Variants in PTPRD observed in about 807,000 individuals in gnomAD.
The protein encoded by PTPRD is protein tyrosine phosphatase receptor type D, also known as receptor-type tyrosine-protein phosphatase delta.
In PTPRD, 34 loss-of-function variants were observed where a neutral mutation model predicts 214.5. The ratio of observed to expected loss-of-function variants is 0.16; its 90% confidence interval spans 0.12 to 0.21. The LOEUF (loss-of-function observed/expected upper bound fraction) is 0.21. Among genes scored for constraint, PTPRD ranks in the 10% least tolerant of loss-of-function variants. The probability of loss-of-function intolerance (pLI) is 1.00; values close to 1 mark genes in which losing one functional copy is unlikely to be tolerated. For missense variants in PTPRD, 2,545 were observed against 2,398.7 expected (o/e 1.06, Z -1.27); for synonymous variants, 1,128 against 845.7 (o/e 1.33, Z -5.79).
chr9:8,501,403 C>T (rs894946240), intron 23 of PTPRD, among the ~76,000 whole-genome samples: 1 of 152,140 alleles, frequency 6.6e-6, no homozygotes, highest in Non-Finnish European at 1.5e-5. Context: ...CCCCACTATA[C>T]TGACTACCCA....
At chr9:9,374,148 G>C (rs1055202328) in intron 9 of PTPRD, among the ~76,000 whole-genome samples, 1 of 151,868 alleles carries the variant, frequency 6.6e-6, no homozygotes, top group Non-Finnish European at 1.5e-5. Flanking sequence ...GAAATATTAA[G>C]TGACGAAAAA....
intron 10 of PTPRD, among the ~76,000 whole-genome samples, chr9:9,158,573 C>G (rs2099883409): frequency 6.6e-6 from 1 of 152,030 alleles, no homozygotes; most frequent in African/African-American, 2.4e-5. Flanking sequence ...GCACTCCAGC[C>G]TGGGTGACAG....
intron 14 of PTPRD, among the ~76,000 whole-genome samples, chr9:8,590,504 T>C (rs1050542443): frequency 6.6e-6 from 1 of 152,136 alleles, no homozygotes; most frequent in Non-Finnish European, 1.5e-5. Flanking sequence ...TTATCAAGTT[T>C]CCTGTCCTTC....
chr9:9,234,945 C>T (rs751698531), intron 9 of PTPRD, among the ~76,000 whole-genome samples: 68 of 152,120 alleles, frequency 4.5e-4, no homozygotes, highest in Non-Finnish European at 7.2e-4. Flanking sequence ...CACATTTTTG[C>T]GTATCTTTAC....
At position 10,458,791 on chromosome 9, in the gene PTPRD, G is replaced by C. The variant is rs564509865; in HGVS notation, c.-599-117774C>G. 3.8e-3 allele frequency among the ~76,000 whole-genome samples: 516 copies of C among 136,456 alleles called. 4 individuals carry two copies. The highest frequency in any genetic ancestry group is 0.014 in the African/African-American group (499 of 36,366). The allele number at this position is 136,456 out of a possible 152,430, so 89.5% of individuals were successfully genotyped here. A position where few individuals can be genotyped will look rare whatever the true frequency, so the allele number is the denominator to read the frequency against. ...TACCCTTTATGTAGAAAACGTCAAA[G>C]ACACCACCAAAAACTGTTAGGTCTA... On this transcript the variant is annotated intron_variant, in intron 2 of 45. Coordinates refer to ENST00000381196, the MANE Select transcript of PTPRD (RefSeq NM_002839.4).
chr9:9,989,699 T>A (rs891849300), intron 4 of PTPRD, among the ~76,000 whole-genome samples: 1 of 152,184 alleles, frequency 6.6e-6, no homozygotes, highest in African/African-American at 2.4e-5. Flanking sequence ...TCCACTGAAC[T>A]GTTTAACATT....
chr9:10,335,363 C>A (rs1240713779), intron 3 of PTPRD, among the ~76,000 whole-genome samples: 5 of 151,684 alleles, frequency 3.3e-5, no homozygotes, highest in African/African-American at 1.2e-4. Flanking sequence ...CAAATGGTGC[C>A]TGGTACAAAT....
chr9:9,606,789 C>T (rs2094183565), intron 7 of PTPRD, among the ~76,000 whole-genome samples: 1 of 150,420 alleles, frequency 6.6e-6, no homozygotes, highest in Admixed American at 6.6e-5. Context: ...TGGACAAATA[C>T]ATTTCTTAGC....
At chr9:8,446,752 A>G (rs4742504) in intron 34 of PTPRD, among the ~76,000 whole-genome samples, 80,702 of 152,066 alleles carry the variant, frequency 0.53, 22,992 homozygotes, top group East Asian at 0.87. Flanking sequence ...TAAAAACCTA[A>G]AAATTAGCGT....
At chr9:10,400,146 T>C (rs1323639176) in intron 2 of PTPRD, among the ~76,000 whole-genome samples, 1 of 151,798 alleles carries the variant, frequency 6.6e-6, no homozygotes, top group Non-Finnish European at 1.5e-5. Flanking sequence ...CTCCTTCACT[T>C]ATGTAGTAGT....
intron 10 of PTPRD, among the ~76,000 whole-genome samples, chr9:9,031,415 G>A (rs10115402): frequency 0.051 from 7,733 of 152,052 alleles, 263 homozygotes; most frequent in East Asian, 0.13. Context: ...CGGCTATGCG[G>A]TATAGCCTAT....
chr9:9,901,185 T>C (rs75139765), intron 5 of PTPRD, among the ~76,000 whole-genome samples: 8,907 of 152,232 alleles, frequency 0.059, 367 homozygotes, highest in African/African-American at 0.11. Context: ...ATCCCAATTA[T>C]ATGTCTCGGA....
At chr9:8,748,727 C>T (rs2093172772) in intron 11 of PTPRD, among the ~76,000 whole-genome samples, 1 of 152,008 alleles carries the variant, frequency 6.6e-6, no homozygotes, top group Admixed American at 6.6e-5. Context: ...GCCTGACCAA[C>T]ATGGAGAAAT....
intron 3 of PTPRD, among the ~76,000 whole-genome samples, chr9:10,085,348 A>T (rs771961374): frequency 2.0e-5 from 3 of 151,866 alleles, no homozygotes; most frequent in Non-Finnish European, 4.4e-5. Flanking sequence ...CCTGGCCAAA[A>T]TAATTTTGAA....
chr9:10,323,407 A>G (rs2096590308), intron 3 of PTPRD, among the ~76,000 whole-genome samples: 1 of 149,094 alleles, frequency 6.7e-6, no homozygotes, highest in Admixed American at 6.7e-5. Flanking sequence ...CAATTCTCCC[A>G]TCTCAGCCAT....
At chr9:9,566,103 C>A (rs1357835817) in intron 8 of PTPRD, among the ~76,000 whole-genome samples, 1 of 151,892 alleles carries the variant, frequency 6.6e-6, no homozygotes, top group African/African-American at 2.4e-5. Context: ...TCTTCTCCAG[C>A]AATTTCATCT....
At chr9:9,258,869 T>G (rs73641282) in intron 9 of PTPRD, among the ~76,000 whole-genome samples, 257 of 152,046 alleles carry the variant, frequency 1.7e-3, no homozygotes, top group African/African-American at 5.9e-3. Context: ...ATCAATTTCT[T>G]TGGAAAAGGG....
Position 8,528,638 on chromosome 9 carries a change from G to A in PTPRD, c.494C>T (p.Pro165Leu), listed in dbSNP as rs1233052240. The A allele has an allele frequency of 1.2e-6, 2 of 1,613,676 alleles. No homozygotes were observed. Among genetic ancestry groups the A allele is most frequent in the Admixed American group, 1.7e-5 (1 of 59,970 alleles). Residue 165 changes from proline to leucine, a missense_variant, in exon 15 of 46, where the codon CCT (proline) becomes CTT (leucine). Transcript: ENST00000381196. ...PEITWFKDFL[P>L]VDTSNNNGRI... ...ACCATTGTTGTTGCTTGTGTCCACA[G>A]GTAAGAAATCTTTAAACCAAGTGAT...
chr9:8,617,260 G>A (rs2095643248), intron 14 of PTPRD, among the ~76,000 whole-genome samples: 1 of 152,068 alleles, frequency 6.6e-6, no homozygotes, highest in Non-Finnish European at 1.5e-5. Flanking sequence ...GGGAAAGAAG[G>A]CTGGGAGAAT....
Sources: gnomAD v4.1 joint callset for allele counts (sites outside exome capture counted in the v4.1 genomes callset) on GRCh38, gnomAD v4.1.1 for gene constraint, MANE v1.5 for transcripts, NCBI Gene and HGNC (gene_info 2026-07-23, HGNC 2026-07-21) for gene names.